NVL: variants seen among roughly 807,000 people sequenced by gnomAD.
NVL encodes the protein nuclear valosin-containing protein-like.
Under a neutral mutation model 110.2 loss-of-function variants are expected in NVL, and 84 were observed. That is an observed-to-expected ratio of 0.76 (90% confidence interval 0.64 to 0.91). The LOEUF is 0.91. NVL is among the 40% of genes least tolerant of loss of function. The pLI, the probability that NVL is intolerant of heterozygous loss-of-function variation, is 0.00. For synonymous variants in NVL, 354 were observed against 361.1 expected (o/e 0.98, Z 0.22); for missense variants, 882 against 1,035.9 (o/e 0.85, Z 2.04).
intron 15 of NVL, among the ~76,000 whole-genome samples, chr1:224,285,786 TATA>T (rs2102615184): frequency 6.6e-6 from 1 of 152,104 alleles, no homozygotes; most frequent in Non-Finnish European, 1.5e-5. Flanking sequence ...ACACAGAAAA[TATA>T]ATAATTGCAT....
Position 224,287,806 on chromosome 1 carries a change from T to A in NVL, c.1763A>T (p.Asp588Val), listed in dbSNP as rs779914340. 73 of 1,614,050 alleles carry A rather than the reference T, an allele frequency of 4.5e-5. No individual in the cohort carries two copies. The highest frequency in any genetic ancestry group is 5.9e-5 in the Non-Finnish European group (70 of 1,180,018). The stretch of plus-strand genomic sequence containing the variant: ...TGCCATGGTGAGCTCCTCTCTAATG[T>A]CTTCCAGGGCACCAATATCTGCCCA... ...VTWADIGALE[D>V]IREELTMAIL... Residue 588 changes from aspartate (D) to valine (V), a missense_variant, in exon 14 of 23, where the codon GAC (aspartate) becomes GTC (valine). Transcript: ENST00000281701.
chr1:224,303,366 C>T (rs899656871), intron 9 of NVL, among the ~76,000 whole-genome samples: 12 of 150,312 alleles, frequency 8.0e-5, no homozygotes, highest in African/African-American at 2.0e-4. Flanking sequence ...ACCCGGGAGG[C>T]GGAGGTTGCA....
intron 19 of NVL, among the ~76,000 whole-genome samples, chr1:224,241,961 G>C (rs1034487846): frequency 6.6e-6 from 1 of 151,988 alleles, no homozygotes; most frequent in African/African-American, 2.4e-5. Flanking sequence ...GAACCTGGGA[G>C]GCAGAGGTTG....
rs537094409 is a variant in NVL, at chr1:224,302,150, T to A, written c.961-1487A>T. On this transcript the variant is annotated intron_variant, in intron 9 of 22. Coordinates refer to ENST00000281701, the MANE Select transcript of NVL (RefSeq NM_002533.4). ...AATCAAGTCCCCCTTTACAAATGAT[T>A]TTCTTTCATAGAACATTATTGTATT... Among the ~76,000 whole-genome samples, 28 of 152,294 alleles carry A rather than the reference T, an allele frequency of 1.8e-4. No individual in the cohort carries two copies. In the East Asian group the frequency reaches 2.5e-3, roughly 14 times the overall value.
At chr1:224,268,885 C>T (rs1194037949) in intron 17 of NVL, among the ~76,000 whole-genome samples, 1 of 151,950 alleles carries the variant, frequency 6.6e-6, no homozygotes, top group Admixed American at 6.6e-5. Flanking sequence ...CTTCAAACTC[C>T]TGACTTCAGG....
intron 9 of NVL, among the ~76,000 whole-genome samples, chr1:224,303,208 G>A (rs1057361157): frequency 9.2e-5 from 14 of 152,228 alleles, no homozygotes; most frequent in Non-Finnish European, 1.9e-4. Context: ...GCTGAGGCAA[G>A]TGGACTGCCT....
In NVL at chr1:224,311,878, AT is replaced by A. The variant is rs1414853909; in HGVS notation, c.285-22del. 1.9e-6 allele frequency: 3 copies of A among 1,593,554 alleles called. No individual in the cohort carries two copies. In the African/African-American group the frequency reaches 4.0e-5, roughly 21 times the overall value. On this transcript the variant is annotated intron_variant, in intron 4 of 22. Transcript: ENST00000281701. ...TATACCTCAGTAAAAGGAGGGAAAA[AT>A]GTTTTAAAGACTTTCTCTCCCATAT...
chr1:224,295,315 C>T (rs1667769972), intron 11 of NVL, among the ~76,000 whole-genome samples: 1 of 152,052 alleles, frequency 6.6e-6, no homozygotes, highest in South Asian at 2.1e-4. Flanking sequence ...GCCTCAGCCT[C>T]CCGAGTACCT....
chr1:224,288,031 C>G, intron 13 of NVL, 38 bp from the exon 14 acceptor site: 5 of 1,450,752 alleles, frequency 3.4e-6, no homozygotes, highest in Non-Finnish European at 2.9e-6. Context: ...AATAAAGAAA[C>G]ACCACAACAG....
chr1:224,242,027 C>T (rs972808661), intron 19 of NVL, among the ~76,000 whole-genome samples: 3 of 150,908 alleles, frequency 2.0e-5, no homozygotes, highest in East Asian at 1.9e-4. Flanking sequence ...ACCAAAACTC[C>T]GTCTCAAAAA....
At chr1:224,295,698 C>G (rs1351008606) in intron 11 of NVL, among the ~76,000 whole-genome samples, 1 of 151,056 alleles carries the variant, frequency 6.6e-6, no homozygotes, top group Non-Finnish European at 1.5e-5. Context: ...AAAAAAACAC[C>G]CAGGCACAGT....
chr1:224,232,715 T>C (rs1660038918), intron 21 of NVL, among the ~76,000 whole-genome samples: 2 of 152,188 alleles, frequency 1.3e-5, no homozygotes, highest in African/African-American at 2.4e-5. Context: ...CACTGTCAAA[T>C]GTGAAGGATG....
chr1:224,285,682 T>TA (rs1666791164), intron 15 of NVL, among the ~76,000 whole-genome samples: 1 of 152,122 alleles, frequency 6.6e-6, no homozygotes, highest in Non-Finnish European at 1.5e-5. Flanking sequence ...GGAAAATACT[T>TA]AAGTTATAAA....
At chr1:224,259,183 G>C (rs949693870) in intron 18 of NVL, among the ~76,000 whole-genome samples, 1 of 151,682 alleles carries the variant, frequency 6.6e-6, no homozygotes, top group African/African-American at 2.4e-5. Flanking sequence ...CTGCCTTCTA[G>C]GTTCAAGCGA....
chr1:224,281,076 C>A (rs1430524106), intron 16 of NVL, 47 bp downstream of exon 16: 1 of 1,494,292 alleles, frequency 6.7e-7, no homozygotes, highest in East Asian at 2.3e-5. Context: ...TTTGCATGAC[C>A]ATTACTTTTT....
Position 224,311,931 on chromosome 1 carries a change from G to T in NVL, c.285-74C>A, listed in dbSNP as rs192569186. On this transcript the variant is annotated intron_variant, in intron 4 of 22. Transcript: ENST00000281701. ...CTAAAAAAATGACTACCCAAAACAA[G>T]TAAATATATTCAGCCAAAAGATTAT... 3.0e-3 allele frequency: 3,420 copies of T among 1,122,898 alleles called. 9 individuals are homozygous for T. Among genetic ancestry groups the T allele is most frequent in the Non-Finnish European group, 3.4e-3 (2,523 of 746,698 alleles). 69.6% of individuals were successfully genotyped at this position (1,122,898 alleles called of 1,614,324 possible). A position where few individuals can be genotyped will look rare whatever the true frequency, so the allele number is the denominator to read the frequency against.
intron 1 of NVL, among the ~76,000 whole-genome samples, chr1:224,327,309 G>A (rs1671240490): frequency 6.6e-6 from 1 of 152,134 alleles, no homozygotes; most frequent in South Asian, 2.1e-4. Context: ...CAGACATGGT[G>A]GTGCATACCT....
intron 16 of NVL, among the ~76,000 whole-genome samples, chr1:224,279,382 G>T (rs1451773224): frequency 4.6e-5 from 7 of 152,040 alleles, no homozygotes; most frequent in African/African-American, 1.7e-4. Context: ...AGACCAGCCT[G>T]GACAATACAG....
At chr1:224,299,107 A>G (rs1668154396) in intron 10 of NVL, among the ~76,000 whole-genome samples, 1 of 152,224 alleles carries the variant, frequency 6.6e-6, no homozygotes, top group South Asian at 2.1e-4. Context: ...TCTCAAAACC[A>G]TGGGAACAAC....
Sources: allele counts gnomAD v4.1 joint callset (sites outside exome capture counted in the v4.1 genomes callset), GRCh38; gene constraint gnomAD v4.1.1; transcripts MANE v1.5; gene names NCBI Gene and HGNC (gene_info 2026-07-23, HGNC 2026-07-21).